CNST: variants seen among roughly 807,000 people sequenced by gnomAD.
The protein encoded by CNST is consortin.
A neutral mutation model predicts 72.4 loss-of-function variants in CNST; 39 were observed. The observed-to-expected ratio is 0.54, with a 90% confidence interval of 0.42 to 0.70. The LOEUF is 0.70. Among genes scored for constraint, CNST ranks in the 30% least tolerant of loss-of-function variants. The pLI is 0.00. For synonymous variants in CNST, 332 were observed against 320.1 expected (o/e 1.04, Z -0.40); for missense variants, 871 against 868.5 (o/e 1.00, Z -0.04).
At chr1:246,650,389 A>G (rs553129906) in intron 9 of CNST, among the ~76,000 whole-genome samples, 2 of 152,324 alleles carry the variant, frequency 1.3e-5, no homozygotes, top group South Asian at 2.1e-4. Context: ...TTACTTTCCT[A>G]TGACAATGCC....
chr1:246,665,459 C>G (rs1667349346), intron 10 of CNST, among the ~76,000 whole-genome samples: 1 of 152,230 alleles, frequency 6.6e-6, no homozygotes, highest in Non-Finnish European at 1.5e-5. Context: ...TGATTCTGTC[C>G]ATTGTATAAA....
chr1:246,597,171 G>C (rs1014616591), intron 2 of CNST, among the ~76,000 whole-genome samples: 1 of 152,166 alleles, frequency 6.6e-6, no homozygotes, highest in African/African-American at 2.4e-5. Context: ...GAGGGTTACA[G>C]TTTCTCTCCA....
intron 1 of CNST, among the ~76,000 whole-genome samples, chr1:246,578,686 T>C (rs1660603736): frequency 6.6e-6 from 1 of 152,076 alleles, no homozygotes; most frequent in African/African-American, 2.4e-5. Flanking sequence ...AAAAAACTAT[T>C]GCCTCAAATT....
chr1:246,634,955 G>GGGTGTCTTC (rs574656071), intron 6 of CNST, among the ~76,000 whole-genome samples: 1 of 47,844 alleles, frequency 2.1e-5, no homozygotes, highest in Non-Finnish European at 4.9e-5. Context: ...CCTCGGTGGT[G>GGGTGTCTTC]CGTGTCTTCC....
chr1:246,596,186 T>TG (rs34553141), intron 2 of CNST, among the ~76,000 whole-genome samples: 1,929 of 151,902 alleles, frequency 0.013, 16 homozygotes, highest in Middle Eastern at 0.027. Context: ...GAAGCCAAGG[T>TG]GGAGGATTGC....
rs779459671 is a variant in CNST, at chr1:246,665,949, G to A, written c.*44G>A. 26 of 1,377,596 alleles carry A rather than the reference G, an allele frequency of 1.9e-5. No individual in the cohort carries two copies. The highest frequency in any genetic ancestry group is 1.7e-4 in the African/African-American group (12 of 70,042). 85.3% of individuals were successfully genotyped at this position (1,377,596 alleles called of 1,614,324 possible). A position where few individuals can be genotyped will look rare whatever the true frequency, so the allele number is the denominator to read the frequency against. ...CATGCTGGCAGTGAGAGTGAAAGGCGGGAGACTTTCTAAACAGTTTTTCTT... is the reference window on the plus strand; with the variant it reads ...CATGCTGGCAGTGAGAGTGAAAGGCAGGAGACTTTCTAAACAGTTTTTCTT... On this transcript the variant is annotated 3_prime_UTR_variant, in exon 11 of 11. Transcript: ENST00000366513.
intron 1 of CNST, among the ~76,000 whole-genome samples, chr1:246,588,595 T>C (rs1046164663): frequency 2.0e-5 from 3 of 152,218 alleles, no homozygotes; most frequent in African/African-American, 4.8e-5. Context: ...GTGAGACATA[T>C]ATGTAATTTT....
intron 9 of CNST, among the ~76,000 whole-genome samples, chr1:246,650,547 T>G (rs1486853802): frequency 6.6e-6 from 1 of 152,168 alleles, no homozygotes; most frequent in Non-Finnish European, 1.5e-5. Flanking sequence ...TATTTTCTAA[T>G]ACCTTAACAA....
At position 246,586,097 on chromosome 1, in the gene CNST, A is replaced by T. The variant is rs1260699150; in HGVS notation, c.-51-5415A>T. 1.2e-4 allele frequency among the ~76,000 whole-genome samples: 5 copies of T among 41,448 alleles called. No homozygotes were observed. In the Admixed American group the frequency reaches 1.7e-3, roughly 14 times the overall value. 27.2% of individuals were successfully genotyped at this position (41,448 alleles called of 152,430 possible). On this transcript the variant is annotated intron_variant, in intron 1 of 10. Transcript: ENST00000366513. ...CATGTCTTGGGGGAGAGGGGGAGAT[A>T]TATATATATATATATGTGTGTGTGT...
intron 2 of CNST, among the ~76,000 whole-genome samples, chr1:246,608,679 C>G (rs777490392): frequency 7.9e-5 from 12 of 152,160 alleles, no homozygotes; most frequent in Non-Finnish European, 1.5e-4. Context: ...AACCTAAGCA[C>G]CAAGGGATGG....
In CNST at chr1:246,667,398, T is replaced by C. The variant is rs901002660; in HGVS notation, c.*1493T>C. On this transcript the variant is annotated 3_prime_UTR_variant, in exon 11 of 11. Coordinates refer to ENST00000366513, the MANE Select transcript of CNST (RefSeq NM_152609.3). Reference sequence around the variant, plus strand: ...TTTAATTACTGTGTATTTAGTGTTTTGATTTTCTATAATTTCAGTTCCGCG... The same window carrying C: ...TTTAATTACTGTGTATTTAGTGTTTCGATTTTCTATAATTTCAGTTCCGCG... 6.6e-6 allele frequency: 1 copy of C among 152,196 alleles called. No homozygotes were observed. Among genetic ancestry groups the C allele is most frequent in the Non-Finnish European group, 1.5e-5 (1 of 68,042 alleles). The allele number at this position is 152,196 out of a possible 1,614,324, so 9.4% of individuals were successfully genotyped here.
chr1:246,661,197 T>C (rs554379519), intron 10 of CNST, among the ~76,000 whole-genome samples: 1 of 152,222 alleles, frequency 6.6e-6, no homozygotes, highest in African/African-American at 2.4e-5. Flanking sequence ...CTCAAACTCC[T>C]AACCTCATGA....
At chr1:246,618,104 A>T (rs373336699) in intron 2 of CNST, among the ~76,000 whole-genome samples, 3 of 152,228 alleles carry the variant, frequency 2.0e-5, no homozygotes, top group East Asian at 3.8e-4. Flanking sequence ...TACTTGTATT[A>T]GGTGGGTAAC....
At chr1:246,648,120 A>C (rs972299973) in intron 9 of CNST, 83 bp downstream of exon 9, 59 of 1,483,768 alleles carry the variant, frequency 4.0e-5, no homozygotes, top group Non-Finnish European at 5.0e-5. Flanking sequence ...TTGTTTTTGT[A>C]AGTTTTCCCT....
At chr1:246,585,298 G>A (rs566413103) in intron 1 of CNST, among the ~76,000 whole-genome samples, 7 of 152,212 alleles carry the variant, frequency 4.6e-5, no homozygotes, top group Admixed American at 3.9e-4. Flanking sequence ...TGTCTGAAAT[G>A]AGCCAGTCTG....
At chr1:246,645,423 A>ATTTTTTTTTTTTTTTTTTTTTTTTTTTTT (rs762655117) in intron 8 of CNST, among the ~76,000 whole-genome samples, 1 of 106,072 alleles carries the variant, frequency 9.4e-6, no homozygotes, top group African/African-American at 3.5e-5. Context: ...AAAGGTTAAA[A>ATTTTTTTTTTTTTTTTTTTTTTTTTTTTT]CTTTTTTTTT....
intron 6 of CNST, among the ~76,000 whole-genome samples, chr1:246,635,359 G>A (rs1002344479): frequency 5.3e-5 from 8 of 151,742 alleles, no homozygotes; most frequent in African/African-American, 1.9e-4. Context: ...ATACCACAGG[G>A]GAGAAACAGG....
chr1:246,568,501 T>A (rs1007532576), intron 1 of CNST, among the ~76,000 whole-genome samples: 17 of 152,258 alleles, frequency 1.1e-4, no homozygotes, highest in African/African-American at 4.1e-4. Context: ...GATTTAGACA[T>A]ACTTTATTAG....
chr1:246,653,705 G>A (rs3124088), intron 9 of CNST, among the ~76,000 whole-genome samples: 105,768 of 152,088 alleles, frequency 0.7, 39,043 homozygotes, highest in East Asian at 0.84. Flanking sequence ...TGTCTCTTGC[G>A]CAAAGCTCTT....
Sources: allele counts gnomAD v4.1 joint callset (sites outside exome capture counted in the v4.1 genomes callset), GRCh38; gene constraint gnomAD v4.1.1; transcripts MANE v1.5; gene names NCBI Gene and HGNC (gene_info 2026-07-23, HGNC 2026-07-21).